DNAH17: variants seen among roughly 807,000 people sequenced by gnomAD.
DNAH17 encodes the protein axonemal beta dynein heavy chain 17.
A neutral mutation model predicts 485.6 loss-of-function variants in DNAH17; 376 were observed. The observed-to-expected ratio is 0.77, with a 90% confidence interval of 0.71 to 0.84. The LOEUF (loss-of-function observed/expected upper bound fraction) is 0.84. Among genes scored for constraint, DNAH17 ranks in the 40% least tolerant of loss-of-function variants. The pLI, the probability that DNAH17 is intolerant of heterozygous loss-of-function variation, is 0.00. For missense variants in DNAH17, 6,370 were observed against 5,839.3 expected (o/e 1.09, Z -2.96); for synonymous variants, 3,031 against 2,405.9 (o/e 1.26, Z -7.60).
chr17:78,525,021 G>A lies in DNAH17; in HGVS notation c.3852C>T (p.Asp1284=), dbSNP rs749723541. The part of the protein sequence containing the change: ...REVRLLKELW[D]MVVVVNTSIE... ...GCCCTGCACTCACCACAACAACCAT[G>A]TCCCAGAGCTCCTTCAGTAGGCGGA... Residue 1284 remains aspartate (D), a synonymous_variant, in exon 25 of 81, where the codon GAC becomes GAT. Coordinates refer to ENST00000389840, the MANE Select transcript of DNAH17 (RefSeq NM_173628.4). The A allele has an allele frequency of 6.2e-7, 1 of 1,613,078 alleles. No homozygotes were observed. Among genetic ancestry groups the A allele is most frequent in the Non-Finnish European group, 8.5e-7 (1 of 1,179,378 alleles).
chr17:78,462,822 G>A (rs2088204586), intron 57 of DNAH17, 22 bp downstream of exon 57: 1 of 1,612,426 alleles, frequency 6.2e-7, no homozygotes. Flanking sequence ...ACAGGAGCTG[G>A]CAGCCAGCCC....
intron 25 of DNAH17, chr17:78,522,279 C>A: frequency 4.4e-6 from 1 of 225,210 alleles, no homozygotes. Context: ...ACGAGAACCA[C>A]AGTACCTCCA....
chr17:78,539,689 GA>G (rs1402686955), intron 18 of DNAH17, 47 bp downstream of exon 18: 10 of 1,440,502 alleles, frequency 6.9e-6, no homozygotes, highest in Non-Finnish European at 9.3e-6. Flanking sequence ...GATTCTAACA[GA>G]TAAGAATACA....
At chr17:78,475,590 CTCGGATGTCG>C in intron 53 of DNAH17, 69 bp downstream of exon 53, 1 of 1,602,274 alleles carries the variant, frequency 6.2e-7, no homozygotes, top group Non-Finnish European at 8.5e-7. Context: ...CACAATGCCA[CTCGGATGTCG>C]ATAATGCAAC....
At chr17:78,427,216 G>A in intron 77 of DNAH17, 108 bp from the exon 78 acceptor site, 1 of 1,149,782 alleles carries the variant, frequency 8.7e-7, no homozygotes, top group African/African-American at 1.5e-5. Context: ...TCCTGGAGAG[G>A]AGGGAAGAGG....
At chr17:78,520,174 G>A (rs1352985862) in intron 25 of DNAH17, among the ~76,000 whole-genome samples, 3 of 151,952 alleles carry the variant, frequency 2.0e-5, no homozygotes, top group African/African-American at 7.3e-5. Context: ...AATCATATCA[G>A]TAAACACAAA....
intron 48 of DNAH17, among the ~76,000 whole-genome samples, chr17:78,481,753 G>A (rs11651442): frequency 0.037 from 5,631 of 152,282 alleles, 166 homozygotes; most frequent in Non-Finnish European, 0.061. Flanking sequence ...AGTGGCTCAT[G>A]CCTGTAATCC....
At chr17:78,511,528 G>A (rs1294399956) in intron 26 of DNAH17, among the ~76,000 whole-genome samples, 1 of 152,206 alleles carries the variant, frequency 6.6e-6, no homozygotes, top group Non-Finnish European at 1.5e-5. Flanking sequence ...TGTGGCAGTG[G>A]CCGAATCACA....
intron 11 of DNAH17, among the ~76,000 whole-genome samples, chr17:78,562,669 G>T (rs948272577): frequency 1.3e-5 from 2 of 152,276 alleles, no homozygotes; most frequent in Middle Eastern, 3.4e-3. Flanking sequence ...TTTTAAAATA[G>T]CCATAACGTT....
intron 56 of DNAH17, among the ~76,000 whole-genome samples, chr17:78,463,476 ATT>A: frequency 6.6e-6 from 1 of 152,080 alleles, no homozygotes; most frequent in Admixed American, 6.5e-5. Context: ...GTGCATACGC[ATT>A]CACATACCTG....
chr17:78,525,069 C>A lies in DNAH17; in HGVS notation c.3804G>T (p.Gln1268His), dbSNP rs2091030018. The A allele has an allele frequency of 1.9e-6, 3 of 1,613,854 alleles. No individual in the cohort carries two copies. The highest frequency in any genetic ancestry group is 1.6e-4 in the Middle Eastern group (1 of 6,062). ...LFEVPVPDYK[Q>H]LKACHREVRL... ...GGACCTCCCGGTGGCAGGCCTTGAG[C>A]TGCTTGTAGTCTGGGACGGGGACCT... Residue 1268 changes from glutamine (Q) to histidine (H), a missense_variant, in exon 25 of 81, where the codon CAG (glutamine) becomes CAT (histidine). Transcript: ENST00000389840.
At chr17:78,519,612 G>A (rs1202043781) in intron 25 of DNAH17, among the ~76,000 whole-genome samples, 2 of 152,194 alleles carry the variant, frequency 1.3e-5, no homozygotes, top group Non-Finnish European at 2.9e-5. Context: ...TACCACTGCT[G>A]AGCTTGCAGC....
At position 78,480,217 on chromosome 17, in the gene DNAH17, C is replaced by T. The variant is rs372195804; in HGVS notation, c.7752+467G>A. Among the ~76,000 whole-genome samples, 146 of 151,570 alleles carry T rather than the reference C, an allele frequency of 9.6e-4. No individual in the cohort carries two copies. In the Middle Eastern group the frequency reaches 0.017, roughly 18 times the overall value. On this transcript the variant is annotated intron_variant, in intron 49 of 80. Coordinates refer to ENST00000389840, the MANE Select transcript of DNAH17 (RefSeq NM_173628.4). ...TACAAAAATTAGCCAGGTGTGGTGGCGCACACCTGTAGCCTCAGCTGCTTG... is the reference window on the plus strand; with the variant it reads ...TACAAAAATTAGCCAGGTGTGGTGGTGCACACCTGTAGCCTCAGCTGCTTG...
At position 78,428,603 on chromosome 17, in the gene DNAH17, C is replaced by A. The variant is rs374245578; in HGVS notation, c.12510G>T (p.Lys4170Asn). Residue 4170 changes from lysine to asparagine, a missense_variant, in exon 77 of 81, where the codon AAG (lysine) becomes AAT (asparagine). Lys to Asn is a moderately conservative substitution (Grantham distance 94, BLOSUM62 0). Coordinates refer to ENST00000389840, the MANE Select transcript of DNAH17 (RefSeq NM_173628.4). Reference sequence around the variant, plus strand: ...GCATTTCCAGGACAGTGCGGAACAGCTTCTCTGAGGTGACCGTCAGAAAGC... The same window carrying A: ...GCATTTCCAGGACAGTGCGGAACAGATTCTCTGAGGTGACCGTCAGAAAGC... The part of the protein sequence containing the change: ...EIGFLTVTSE[K>N]LFRTVLEMQP... 5 of 1,613,878 alleles carry A rather than the reference C, an allele frequency of 3.1e-6. No homozygotes were observed. In the African/African-American group the frequency reaches 4.0e-5, roughly 13 times the overall value.
At chr17:78,538,133 G>C (rs1002471640) in intron 18 of DNAH17, among the ~76,000 whole-genome samples, 7 of 66,856 alleles carry the variant, frequency 1.0e-4, no homozygotes, top group Non-Finnish European at 1.8e-4. Context: ...GCAAAACTCT[G>C]TCTCCAAAAA....
In DNAH17 at chr17:78,532,750, G is replaced by T; in HGVS notation, c.2860-14C>A. 1 of 1,564,514 alleles carries T rather than the reference G, an allele frequency of 6.4e-7. No individual in the cohort carries two copies. The highest frequency in any genetic ancestry group is 1.2e-5 in the South Asian group (1 of 84,208). ...TTCCAGGTCCATCTGAAAGGGGCAG[G>T]GGAGAAGCAAAAAGGGGAGGTATGT... On this transcript the variant is annotated splice_polypyrimidine_tract_variant and intron_variant, in intron 19 of 80. Transcript: ENST00000389840.
intron 13 of DNAH17, among the ~76,000 whole-genome samples, chr17:78,559,771 C>A (rs527537549): frequency 6.6e-6 from 1 of 152,104 alleles, no homozygotes; most frequent in African/African-American, 2.4e-5. Flanking sequence ...GGCCCTTCCT[C>A]GTCACCTCTC....
chr17:78,429,341 G>A (rs765478484), intron 75 of DNAH17, 41 bp from the exon 76 acceptor site: 22 of 1,590,554 alleles, frequency 1.4e-5, no homozygotes, highest in African/African-American at 5.4e-5. Context: ...GTGCCCCTGT[G>A]CCCCTTCTCT....
intron 14 of DNAH17, among the ~76,000 whole-genome samples, chr17:78,555,150 G>T (rs2091992277): frequency 6.6e-6 from 1 of 152,188 alleles, no homozygotes; most frequent in South Asian, 2.1e-4. Context: ...GAGTATAAGA[G>T]CTGTTACCGG....
Sources: gnomAD v4.1 joint callset for allele counts (sites outside exome capture counted in the v4.1 genomes callset) on GRCh38, gnomAD v4.1.1 for gene constraint, MANE v1.5 for transcripts, NCBI Gene and HGNC (gene_info 2026-07-23, HGNC 2026-07-21) for gene names.